ZNF180: variants seen among roughly 807,000 people sequenced by gnomAD.
ZNF180 encodes the protein zinc finger protein 180, also known as zinc finger protein 180 (HHZ168).
A neutral mutation model predicts 11.8 loss-of-function variants in ZNF180; 11 were observed. The observed-to-expected ratio is 0.93, with a 90% CI of 0.59 to 1.55. The LOEUF (loss-of-function observed/expected upper bound fraction) is 1.55, where lower values mean the gene tolerates loss of function less well. Ranked by LOEUF, ZNF180 falls within the 40% of genes most tolerant of loss-of-function variation. The pLI is 0.00. For missense variants in ZNF180, 773 were observed against 781.7 expected (o/e 0.99, Z 0.13); for synonymous variants, 287 against 257.7 (o/e 1.11, Z -1.09).
chr19:44,485,357 T>G (rs11880885), intron 2 of ZNF180, among the ~76,000 whole-genome samples: 72 of 152,216 alleles, frequency 4.7e-4, no homozygotes, highest in African/African-American at 1.7e-3. Flanking sequence ...AACATCTGTT[T>G]CTTTATCTGT....
At chr19:44,479,769 G>A (rs971971862) in intron 3 of ZNF180, among the ~76,000 whole-genome samples, 7 of 152,182 alleles carry the variant, frequency 4.6e-5, no homozygotes, top group African/African-American at 1.7e-4. Context: ...AAACAGGGGT[G>A]GTTGATTTTT....
chr19:44,476,176 A>T lies in ZNF180; in HGVS notation c.*226T>A. ...ATTATTTTCATAGGAATATGTCATA[A>T]GAATCAAGTTTAACATTGTATATGG... On this transcript the variant is annotated 3_prime_UTR_variant, in exon 5 of 5. Coordinates refer to ENST00000592529, the MANE Select transcript of ZNF180 (RefSeq NM_001278509.3). 1 of 427,918 alleles carries T rather than the reference A, an allele frequency of 2.3e-6. No homozygotes were observed. The highest frequency in any genetic ancestry group is 4.1e-6 in the Non-Finnish European group (1 of 243,878). The allele number at this position is 427,918 out of a possible 1,614,324, so 26.5% of individuals were successfully genotyped here.
intron 1 of ZNF180, among the ~76,000 whole-genome samples, chr19:44,498,806 T>C (rs1208387919): frequency 6.6e-6 from 1 of 152,114 alleles, no homozygotes; most frequent in Non-Finnish European, 1.5e-5. Context: ...AGAGTGTTGC[T>C]GGAGCAGCCC....
intron 2 of ZNF180, among the ~76,000 whole-genome samples, chr19:44,489,164 C>G (rs1400366230): frequency 1.6e-4 from 18 of 113,938 alleles, no homozygotes; most frequent in East Asian, 2.9e-4. Flanking sequence ...GGGGGCCAGC[C>G]CCCCGCCGGG....
chr19:44,486,763 G>A (rs992308573), intron 2 of ZNF180, among the ~76,000 whole-genome samples: 21 of 152,152 alleles, frequency 1.4e-4, no homozygotes, highest in East Asian at 1.2e-3. Flanking sequence ...AAAATAGGCC[G>A]GGCATGGTGG....
chr19:44,478,038 C>G lies in ZNF180; in HGVS notation c.362G>C (p.Trp121Ser). 1 of 1,614,024 alleles carries G rather than the reference C, an allele frequency of 6.2e-7. No individual in the cohort carries two copies. Among genetic ancestry groups the G allele is most frequent in the Non-Finnish European group, 8.5e-7 (1 of 1,179,950 alleles). Residue 121 changes from tryptophan to serine, a missense_variant, in exon 5 of 5, where the codon TGG becomes TCG. Physicochemically the swap from Trp to Ser is radical, Grantham distance 177 (BLOSUM62 -3). Transcript: ENST00000592529. Reference protein sequence around the residue: ...KIERFTRDDPWLSSCEEVDDC... With the variant: ...KIERFTRDDPSLSSCEEVDDC... ...ATCCACTTCTTCACATGAAGATAAC[C>G]AAGGATCATCCCTTGTAAACCTTTC... is the stretch of plus-strand genomic sequence containing the variant.
intron 1 of ZNF180, among the ~76,000 whole-genome samples, chr19:44,497,598 C>T (rs899461583): frequency 3.9e-5 from 6 of 152,116 alleles, no homozygotes; most frequent in South Asian, 2.1e-4. Context: ...CTGGTTCCTC[C>T]ACCATCTTGG....
intron 3 of ZNF180, among the ~76,000 whole-genome samples, chr19:44,482,319 T>C (rs913047023): frequency 3.9e-5 from 6 of 152,092 alleles, no homozygotes; most frequent in African/African-American, 7.2e-5. Context: ...AAAATCATAA[T>C]AACAATAAAA....
intron 2 of ZNF180, among the ~76,000 whole-genome samples, chr19:44,489,358 G>T (rs1294541259): frequency 1.7e-4 from 24 of 144,580 alleles, no homozygotes; most frequent in Admixed American, 1.6e-3. Flanking sequence ...GTAGAAAGAA[G>T]TAGACATGGG....
At position 44,479,280 on chromosome 19, in the gene ZNF180, T is replaced by C. The variant is rs1460253509; in HGVS notation, c.253+3A>G. Reference sequence around the variant, plus strand: ...TCTTCATTAAAGAGGAGTGTATTCTTACCCCAAGAGACTAGGTCCCTGTGG... The same window carrying C: ...TCTTCATTAAAGAGGAGTGTATTCTCACCCCAAGAGACTAGGTCCCTGTGG... On this transcript the variant is annotated splice_donor_region_variant and intron_variant, in intron 4 of 4. Coordinates refer to ENST00000592529, the MANE Select transcript of ZNF180 (RefSeq NM_001278509.3). The C allele has an allele frequency of 8.1e-6, 13 of 1,612,600 alleles. No homozygotes were observed. The highest frequency in any genetic ancestry group is 1.1e-5 in the Non-Finnish European group (13 of 1,179,484).
chr19:44,489,084 C>A (rs1158589019), intron 2 of ZNF180, among the ~76,000 whole-genome samples: 2 of 139,142 alleles, frequency 1.4e-5, no homozygotes, highest in African/African-American at 5.1e-5. Context: ...CGGCCAGCCG[C>A]CCCGTCCGGG....
At chr19:44,497,217 G>A (rs1016485660) in intron 2 of ZNF180, 67 bp downstream of exon 2, 1 of 1,416,470 alleles carries the variant, frequency 7.1e-7, no homozygotes, top group Admixed American at 2.7e-5. Context: ...AGTCAGGGAG[G>A]AGCCACAGCC....
intron 3 of ZNF180, among the ~76,000 whole-genome samples, chr19:44,479,813 C>CT (rs1268783782): frequency 1.3e-5 from 2 of 152,170 alleles, no homozygotes; most frequent in Non-Finnish European, 2.9e-5. Context: ...ATATTTCACA[C>CT]TTTGCCAGCC....
chr19:44,481,018 A>G (rs1970065774), intron 3 of ZNF180, among the ~76,000 whole-genome samples: 1 of 152,180 alleles, frequency 6.6e-6, no homozygotes, highest in Non-Finnish European at 1.5e-5. Flanking sequence ...AGAGCCTTTT[A>G]GGAGACGTTT....
At chr19:44,494,957 CG>C (rs1160576209) in intron 2 of ZNF180, among the ~76,000 whole-genome samples, 3 of 152,110 alleles carry the variant, frequency 2.0e-5, no homozygotes, top group African/African-American at 7.2e-5. Context: ...CAGCCCTCCG[CG>C]GACAGACAGG....
At chr19:44,494,271 C>A (rs1202671573) in intron 2 of ZNF180, among the ~76,000 whole-genome samples, 1 of 152,094 alleles carries the variant, frequency 6.6e-6, no homozygotes, top group African/African-American at 2.4e-5. Flanking sequence ...GAACAGACTT[C>A]TAATTCAGCT....
intron 2 of ZNF180, among the ~76,000 whole-genome samples, chr19:44,492,427 T>C (rs560812856): frequency 4.0e-4 from 61 of 152,334 alleles, no homozygotes; most frequent in African/African-American, 1.4e-3. Context: ...AAGGAGCATT[T>C]CCCTTTTTCT....
In ZNF180 at chr19:44,500,502, C is replaced by A. The variant is rs972356353; in HGVS notation, c.-271G>T. 46 of 541,042 alleles carry A rather than the reference C, an allele frequency of 8.5e-5. No homozygotes were observed. The East Asian group carries it at 1.4e-3, about 17-fold the overall frequency. The allele number at this position is 541,042 out of a possible 1,614,324, so 33.5% of individuals were successfully genotyped here. On this transcript the variant is annotated 5_prime_UTR_variant, in exon 1 of 5. Transcript: ENST00000592529. ...CTCGGCGACAGCAAGCGTCCGCGCG[C>A]GGGACAATGGCTGCTCTTGTGGCCG...
At chr19:44,491,694 C>T (rs1289822359) in intron 2 of ZNF180, among the ~76,000 whole-genome samples, 3 of 152,062 alleles carry the variant, frequency 2.0e-5, no homozygotes, top group Non-Finnish European at 2.9e-5. Context: ...TCTCAGCCTC[C>T]CAAGAAGCTG....
Sources: allele counts gnomAD v4.1 joint callset (sites outside exome capture counted in the v4.1 genomes callset), GRCh38; gene constraint gnomAD v4.1.1; transcripts MANE v1.5; gene names NCBI Gene and HGNC (gene_info 2026-07-23, HGNC 2026-07-21).